The following RIMS2 variants were observed in gnomAD, a reference collection of about 807,000 sequenced individuals.
RIMS2 encodes regulating synaptic membrane exocytosis 2.
In RIMS2, 59 loss-of-function variants were observed where a neutral mutation model predicts 174.4. That is an observed-to-expected ratio of 0.34 (90% CI 0.27 to 0.42). The LOEUF (loss-of-function observed/expected upper bound fraction) is 0.42. Among genes scored for constraint, RIMS2 ranks in the 10% least tolerant of loss-of-function variants. The pLI is 1.00. For missense variants in RIMS2, 1,620 were observed against 1,666.3 expected, an observed-to-expected ratio of 0.97 and a Z score of 0.48; for synonymous variants, 606 against 572.5, an observed-to-expected ratio of 1.06 and a Z score of -0.84.
chr8:103,930,091 G>A (rs2079604752), intron 11 of RIMS2, among the ~76,000 whole-genome samples: 1 of 151,732 alleles, frequency 6.6e-6, no homozygotes, highest in African/African-American at 2.4e-5. Context: ...GTCTATTTTT[G>A]TATTTAGCAG....
At chr8:103,993,815 C>T (rs1395906269) in intron 17 of RIMS2, among the ~76,000 whole-genome samples, 2 of 151,802 alleles carry the variant, frequency 1.3e-5, no homozygotes, top group Non-Finnish European at 1.5e-5. Flanking sequence ...TCACTTGAGC[C>T]CAGGAGTTCT....
At chr8:103,717,890 T>G (rs2097393976) in intron 2 of RIMS2, among the ~76,000 whole-genome samples, 1 of 152,200 alleles carries the variant, frequency 6.6e-6, no homozygotes, top group Non-Finnish European at 1.5e-5. Context: ...ATTGAACACT[T>G]GAAAAGTGGC....
intron 19 of RIMS2, among the ~76,000 whole-genome samples, chr8:104,049,435 A>AAAACAAAC (rs777294552): frequency 6.6e-6 from 1 of 152,144 alleles, no homozygotes. Flanking sequence ...CAAAAAACAA[A>AAAACAAAC]AAACAAACAA....
intron 1 of RIMS2, among the ~76,000 whole-genome samples, chr8:103,539,001 T>A (rs939165669): frequency 3.9e-5 from 6 of 152,270 alleles, no homozygotes; most frequent in Middle Eastern, 3.2e-3. Flanking sequence ...CTTTTATGCT[T>A]TGCATATTGT....
At chr8:103,795,906 C>T (rs1035771562) in intron 3 of RIMS2, among the ~76,000 whole-genome samples, 19 of 152,144 alleles carry the variant, frequency 1.2e-4, no homozygotes, top group Admixed American at 2.0e-4. Context: ...ATTTCAAAAT[C>T]GAGACATTTA....
At chr8:103,704,014 A>G (rs1012559887) in intron 2 of RIMS2, among the ~76,000 whole-genome samples, 4 of 151,906 alleles carry the variant, frequency 2.6e-5, no homozygotes, top group Admixed American at 1.3e-4. Flanking sequence ...AGAATTTCCA[A>G]TACTATATTG....
At chr8:104,063,998 T>C (rs1311418685) in intron 19 of RIMS2, among the ~76,000 whole-genome samples, 2 of 152,192 alleles carry the variant, frequency 1.3e-5, no homozygotes, top group Admixed American at 6.6e-5. Context: ...TTGTAGTACA[T>C]GCGTGTAGTA....
At chr8:104,101,534 A>G (rs1247780190) in intron 19 of RIMS2, among the ~76,000 whole-genome samples, 2 of 152,106 alleles carry the variant, frequency 1.3e-5, no homozygotes, top group Admixed American at 1.3e-4. Flanking sequence ...TGATGTTTTG[A>G]TATGCTTATT....
intron 14 of RIMS2, among the ~76,000 whole-genome samples, chr8:103,947,162 T>A (rs148302438): frequency 6.6e-6 from 1 of 152,300 alleles, no homozygotes; most frequent in East Asian, 1.9e-4. Context: ...AAAGAAAACA[T>A]AGGAGAAAAA....
At chr8:104,241,210 G>A (rs1244941123) in intron 19 of RIMS2, among the ~76,000 whole-genome samples, 1 of 152,144 alleles carries the variant, frequency 6.6e-6, no homozygotes, top group Non-Finnish European at 1.5e-5. Context: ...GTTATATTCT[G>A]ACAGTGAAGT....
rs1403864151 is a variant in RIMS2, at chr8:103,921,887, G to A, written c.2196+103G>A. On this transcript the variant is annotated intron_variant, in intron 10 of 23. Transcript: ENST00000504942. The stretch of plus-strand genomic sequence containing the variant: ...ACCAAGTTATTCCTAGAACATAATT[G>A]TGCTTTTAACCTCCCACTTTCTCAT... 3 of 512,490 alleles carry A rather than the reference G, an allele frequency of 5.9e-6. No individual in the cohort carries two copies. The South Asian group carries it at 8.9e-5, about 15-fold the overall frequency. 31.7% of individuals were successfully genotyped at this position (512,490 alleles called of 1,614,324 possible).
At chr8:103,879,317 A>C (rs1374309801) in intron 3 of RIMS2, among the ~76,000 whole-genome samples, 2 of 151,486 alleles carry the variant, frequency 1.3e-5, no homozygotes, top group Admixed American at 1.3e-4. Flanking sequence ...TGAGGGGGTA[A>C]AAGTGAATGG....
intron 19 of RIMS2, among the ~76,000 whole-genome samples, chr8:104,233,488 A>G (rs1350660743): frequency 6.6e-6 from 1 of 152,208 alleles, no homozygotes; most frequent in Non-Finnish European, 1.5e-5. Context: ...TATCAATCTC[A>G]CTTGGTAGGA....
chr8:103,876,372 G>A (rs1054253820), intron 3 of RIMS2, among the ~76,000 whole-genome samples: 7 of 150,718 alleles, frequency 4.6e-5, no homozygotes, highest in African/African-American at 1.7e-4. Context: ...CCCTTCCCCA[G>A]TGTATGGTTT....
chr8:104,033,068 GC>G (rs1280618666), intron 19 of RIMS2, among the ~76,000 whole-genome samples: 1 of 151,942 alleles, frequency 6.6e-6, no homozygotes, highest in African/African-American at 2.4e-5. Context: ...AAGAAAGATG[GC>G]GTAGTGCTAA....
intron 19 of RIMS2, among the ~76,000 whole-genome samples, chr8:104,091,292 A>G (rs1216902937): frequency 6.6e-6 from 1 of 151,812 alleles, no homozygotes; most frequent in Non-Finnish European, 1.5e-5. Flanking sequence ...TAATAATCCC[A>G]TGAGCAAAAA....
chr8:103,999,326 T>TA (rs1226505037), intron 17 of RIMS2, among the ~76,000 whole-genome samples: 1 of 151,768 alleles, frequency 6.6e-6, no homozygotes, highest in Non-Finnish European at 1.5e-5. Context: ...GTAACTTTTG[T>TA]AATGTCTTTC....
chr8:103,629,211 C>G (rs1475532246), intron 1 of RIMS2, among the ~76,000 whole-genome samples: 1 of 152,168 alleles, frequency 6.6e-6, no homozygotes, highest in South Asian at 2.1e-4. Flanking sequence ...CAATAATGAG[C>G]CAGAATACCA....
intron 19 of RIMS2, among the ~76,000 whole-genome samples, chr8:104,051,004 G>A (rs748834247): frequency 2.0e-5 from 3 of 152,136 alleles, no homozygotes; most frequent in African/African-American, 4.8e-5. Context: ...AGGAGTCCAA[G>A]GCAGGGAGGA....
Sources: gnomAD v4.1 joint callset for allele counts (sites outside exome capture counted in the v4.1 genomes callset) on GRCh38, gnomAD v4.1.1 for gene constraint, MANE v1.5 for transcripts, NCBI Gene and HGNC (gene_info 2026-07-23, HGNC 2026-07-21) for gene names.